The following COLGALT2 variants were observed in gnomAD, a reference collection of about 807,000 sequenced individuals.
COLGALT2 encodes collagen beta(1-O)galactosyltransferase 2.
Under a neutral mutation model 73.4 loss-of-function variants are expected in COLGALT2, and 49 were observed. That is an observed-to-expected ratio of 0.67 (90% CI 0.53 to 0.85). COLGALT2 has a LOEUF of 0.85. Ranked by LOEUF, COLGALT2 falls within the 40% of genes least tolerant of loss-of-function variation. COLGALT2 has a pLI of 0.00. For synonymous variants in COLGALT2, 295 were observed against 307.6 expected (o/e 0.96, Z 0.43); for missense variants, 722 against 790.2 (o/e 0.91, Z 1.03).
At chr1:184,019,461 GT>G (rs1649108939) in intron 1 of COLGALT2, among the ~76,000 whole-genome samples, 1 of 152,148 alleles carries the variant, frequency 6.6e-6, no homozygotes, top group Admixed American at 6.5e-5. Flanking sequence ...AAAGTTCTCT[GT>G]TATGTTAACT....
At chr1:183,961,673 G>T (rs1210404328) in intron 6 of COLGALT2, among the ~76,000 whole-genome samples, 1 of 152,086 alleles carries the variant, frequency 6.6e-6, no homozygotes, top group African/African-American at 2.4e-5. Context: ...CATTATTCTC[G>T]CTTTGGGTTC....
chr1:183,960,032 T>C (rs1249527035), intron 6 of COLGALT2, among the ~76,000 whole-genome samples: 2 of 152,192 alleles, frequency 1.3e-5, no homozygotes, highest in Non-Finnish European at 2.9e-5. Flanking sequence ...ATAAGTTCCC[T>C]GATGGCAGGG....
At chr1:183,957,837 T>A (rs1471647148) in intron 6 of COLGALT2, among the ~76,000 whole-genome samples, 1 of 149,140 alleles carries the variant, frequency 6.7e-6, no homozygotes, top group Non-Finnish European at 1.5e-5. Context: ...AGATGTAGAC[T>A]TGTCCAAGGT....
intron 5 of COLGALT2, among the ~76,000 whole-genome samples, chr1:183,967,970 T>C (rs974180640): frequency 6.6e-6 from 1 of 152,224 alleles, no homozygotes; most frequent in Admixed American, 6.5e-5. Flanking sequence ...GCCTGACCCA[T>C]TTCTACCAAA....
intron 11 of COLGALT2, among the ~76,000 whole-genome samples, chr1:183,939,904 A>G (rs533059289): frequency 6.6e-6 from 1 of 152,336 alleles, no homozygotes; most frequent in Non-Finnish European, 1.5e-5. Flanking sequence ...ACACAGAGGC[A>G]TAAGACTGTT....
rs748802299 is a variant in COLGALT2 at position 183,944,201 on chromosome 1, T to C, written c.1392A>G (p.Glu464=). Residue 464 remains glutamate, a synonymous_variant, in exon 10 of 12, where the codon GAA becomes GAG. Coordinates refer to ENST00000361927, the MANE Select transcript of COLGALT2 (RefSeq NM_015101.4). ...AAGATCATCTTGTCACTCACATCAG[T>C]TCCCAGTCCAGCTGAGCCTGGTCAA... ...DNIDQAQLDW[E]LIYIGRKRMQ... is the part of the protein sequence containing the mutation. The C allele has an allele frequency of 3.7e-6, 6 of 1,611,612 alleles. No homozygotes were observed. The highest frequency in any genetic ancestry group is 2.2e-5 in the East Asian group (1 of 44,822).
At chr1:184,021,181 A>C (rs143143630) in intron 1 of COLGALT2, among the ~76,000 whole-genome samples, 5 of 152,146 alleles carry the variant, frequency 3.3e-5, no homozygotes, top group Non-Finnish European at 7.4e-5. Flanking sequence ...CAAGCCTTTG[A>C]GGTTCCAAAA....
At chr1:183,956,481 G>A (rs1272430402) in intron 6 of COLGALT2, among the ~76,000 whole-genome samples, 2 of 152,116 alleles carry the variant, frequency 1.3e-5, no homozygotes, top group Non-Finnish European at 2.9e-5. Flanking sequence ...CCAGGTACAC[G>A]GTTAGGTTTT....
intron 2 of COLGALT2, among the ~76,000 whole-genome samples, 159 bp from the exon 3 acceptor site, chr1:183,975,373 A>G (rs1444948198): frequency 6.6e-6 from 1 of 152,216 alleles, no homozygotes; most frequent in Non-Finnish European, 1.5e-5. Context: ...AGGAAACCGG[A>G]GCAATGAGAA....
chr1:184,031,816 T>C (rs1255942556), intron 1 of COLGALT2, among the ~76,000 whole-genome samples: 3 of 109,334 alleles, frequency 2.7e-5, no homozygotes, highest in Non-Finnish European at 5.8e-5. Flanking sequence ...TCCATGAATG[T>C]ATCCTTCCTT....
At chr1:183,945,647 C>T in intron 8 of COLGALT2, 83 bp from the exon 9 acceptor site, 1 of 1,485,202 alleles carries the variant, frequency 6.7e-7, no homozygotes, top group South Asian at 1.2e-5. Context: ...GTTAGTTCTG[C>T]AAACACCCCT....
intron 1 of COLGALT2, among the ~76,000 whole-genome samples, chr1:184,035,327 C>T (rs552554812): frequency 6.6e-6 from 1 of 152,212 alleles, no homozygotes; most frequent in East Asian, 1.9e-4. Flanking sequence ...AAGCAACCAG[C>T]CCCAAATCAC....
chr1:184,025,065 A>C (rs1278651730), intron 1 of COLGALT2, among the ~76,000 whole-genome samples: 1 of 152,238 alleles, frequency 6.6e-6, no homozygotes, highest in African/African-American at 2.4e-5. Flanking sequence ...GTTCCCCTTT[A>C]GTTCAATGGT....
chr1:183,987,403 AG>A (rs1399463696), intron 1 of COLGALT2, among the ~76,000 whole-genome samples: 1 of 152,246 alleles, frequency 6.6e-6, no homozygotes, highest in African/African-American at 2.4e-5. Flanking sequence ...GAGAAGACAC[AG>A]CAGGATCCAA....
At chr1:183,960,895 G>A (rs1340745712) in intron 6 of COLGALT2, among the ~76,000 whole-genome samples, 1 of 152,142 alleles carries the variant, frequency 6.6e-6, no homozygotes, top group East Asian at 1.9e-4. Flanking sequence ...TCTTCAATCA[G>A]TATAGTCTAA....
At position 183,938,197 on chromosome 1, in the gene COLGALT2, A is replaced by ATT. The variant is rs3841432; in HGVS notation, c.*562_*563dup. ...CCCCTACTGGATAACAGGGACTAAG[A>ATT]TTTTTTTTTTTTAAAAAATCTACTT... On this transcript the variant is annotated 3_prime_UTR_variant, in exon 12 of 12. Transcript: ENST00000361927. 3 of 894,628 alleles carry ATT rather than the reference A, an allele frequency of 3.4e-6. No homozygotes were observed. The highest frequency in any genetic ancestry group is 5.2e-5 in the South Asian group (1 of 19,098). The allele number at this position is 894,628 out of a possible 1,614,324, so 55.4% of individuals were successfully genotyped here. A position where few individuals can be genotyped will look rare whatever the true frequency, so the allele number is the denominator to read the frequency against.
chr1:184,027,606 A>G (rs1050690239), intron 1 of COLGALT2, among the ~76,000 whole-genome samples: 1 of 152,226 alleles, frequency 6.6e-6, no homozygotes, highest in Non-Finnish European at 1.5e-5. Flanking sequence ...CAATGGGGAC[A>G]AGTCACTTTT....
intron 1 of COLGALT2, among the ~76,000 whole-genome samples, chr1:183,992,126 C>T (rs948832582): frequency 6.6e-6 from 1 of 152,174 alleles, no homozygotes; most frequent in African/African-American, 2.4e-5. Flanking sequence ...CTCATTTAAT[C>T]CTCACAGCAA....
intron 6 of COLGALT2, among the ~76,000 whole-genome samples, chr1:183,960,031 C>T (rs1290326228): frequency 6.6e-6 from 1 of 152,172 alleles, no homozygotes; most frequent in Non-Finnish European, 1.5e-5. Flanking sequence ...TATAAGTTCC[C>T]TGATGGCAGG....
Sources: allele counts gnomAD v4.1 joint callset (sites outside exome capture counted in the v4.1 genomes callset), GRCh38; gene constraint gnomAD v4.1.1; transcripts MANE v1.5; gene names NCBI Gene and HGNC (gene_info 2026-07-23, HGNC 2026-07-21).